ERC1: variants seen among roughly 807,000 people sequenced by gnomAD.
ERC1 encodes the protein RAB6 interacting protein 2.
ERC1 carries 56 observed loss-of-function variants against 132.0 expected under a neutral mutation model. The observed-to-expected ratio is 0.42, with a 90% CI of 0.34 to 0.53. The LOEUF is 0.53. ERC1 is among the 20% of genes least tolerant of loss of function. ERC1 has a pLI of 0.03. For synonymous variants in ERC1, 478 were observed against 476.1 expected, an observed-to-expected ratio of 1.00 and a Z score of -0.05; for missense variants, 1,202 against 1,349.9, an observed-to-expected ratio of 0.89 and a Z score of 1.72.
At chr12:1,262,490 A>G (rs1398877121) in intron 13 of ERC1, among the ~76,000 whole-genome samples, 1 of 152,232 alleles carries the variant, frequency 6.6e-6, no homozygotes, top group Non-Finnish European at 1.5e-5. Flanking sequence ...TGAGATTATG[A>G]GAAAACCATA....
chr12:1,353,470 A>G (rs2085225914), intron 15 of ERC1, among the ~76,000 whole-genome samples: 1 of 152,002 alleles, frequency 6.6e-6, no homozygotes, highest in Admixed American at 6.5e-5. Flanking sequence ...TTCAGTCTTA[A>G]TAATTATGCA....
rs1172108036 is a variant in ERC1, at chr12:1,146,308, G to GTTTTTTTT, written c.1737+4539_1737+4546dup. ...ATTTCCTTGTTTAGGTATTTTACTG[G>GTTTTTTTT]TTTTTTTTTTTTTTTTTTTTTTTTT... On this transcript the variant is annotated intron_variant, in intron 8 of 18. Transcript: ENST00000360905. Among the ~76,000 whole-genome samples, 89 of 31,782 alleles carry GTTTTTTTT rather than the reference G, an allele frequency of 2.8e-3. 7 individuals carry two copies. The highest frequency in any genetic ancestry group is 3.8e-3 in the African/African-American group (30 of 7,984). The allele number at this position is 31,782 out of a possible 152,430, so 20.9% of individuals were successfully genotyped here.
At chr12:1,291,737 G>A (rs1360580898) in intron 15 of ERC1, among the ~76,000 whole-genome samples, 1 of 152,178 alleles carries the variant, frequency 6.6e-6, no homozygotes, top group Non-Finnish European at 1.5e-5. Context: ...TCCATTCCTA[G>A]CATATATTAA....
At chr12:1,359,405 G>A (rs2085862202) in intron 15 of ERC1, among the ~76,000 whole-genome samples, 1 of 152,104 alleles carries the variant, frequency 6.6e-6, no homozygotes, top group Non-Finnish European at 1.5e-5. Context: ...AAGTACCACA[G>A]ACTGAGTAAT....
intron 8 of ERC1, 92 bp downstream of exon 8, chr12:1,141,879 T>TG (rs1949893848): frequency 2.8e-6 from 3 of 1,070,422 alleles, no homozygotes; most frequent in Admixed American, 6.7e-5. Flanking sequence ...CAGAGTTTCT[T>TG]GCTCATTTTT....
chr12:1,427,393 C>T (rs2092673428), intron 17 of ERC1, among the ~76,000 whole-genome samples: 1 of 152,156 alleles, frequency 6.6e-6, no homozygotes, highest in Non-Finnish European at 1.5e-5. Context: ...AAAGAATCGT[C>T]CATAATCCCA....
chr12:1,410,241 T>C (rs2091764041), intron 17 of ERC1: 3 of 273,064 alleles, frequency 1.1e-5, no homozygotes, highest in South Asian at 1.1e-4. Flanking sequence ...CTAATTTTGA[T>C]AGTTTAGGGA....
intron 3 of ERC1, among the ~76,000 whole-genome samples, chr12:1,101,704 T>C (rs890471448): frequency 6.6e-6 from 1 of 152,188 alleles, no homozygotes; most frequent in Non-Finnish European, 1.5e-5. Flanking sequence ...AATTCAGATA[T>C]CACACGGCGA....
chr12:1,094,516 T>G lies in ERC1; in HGVS notation c.1087-10234T>G, dbSNP rs142744817. ...ACCTCCGCCACCTGGGTTCAAGTGA[T>G]TCTCCTGCCTCAGCCTCCCAAATAG... On this transcript the variant is annotated intron_variant, in intron 3 of 18. Coordinates refer to ENST00000360905, the MANE Select transcript of ERC1 (RefSeq NM_178040.4). Among the ~76,000 whole-genome samples the G allele has an allele frequency of 4.5e-4, 68 of 151,672 alleles. 1 individual carries two copies. Among genetic ancestry groups the G allele is most frequent in the African/African-American group, 1.6e-3 (67 of 41,462 alleles).
At chr12:1,264,799 G>T (rs987508646) in intron 14 of ERC1, among the ~76,000 whole-genome samples, 13 of 152,148 alleles carry the variant, frequency 8.5e-5, no homozygotes, top group Admixed American at 8.5e-4. Flanking sequence ...CAATGAGAGG[G>T]TGGCAGGAAT....
chr12:1,348,599 A>G (rs1011903628), intron 15 of ERC1, among the ~76,000 whole-genome samples: 4 of 152,124 alleles, frequency 2.6e-5, no homozygotes, highest in African/African-American at 9.7e-5. Context: ...AGGCTGAGGC[A>G]GGAGATTTGC....
intron 16 of ERC1, among the ~76,000 whole-genome samples, chr12:1,375,468 T>A (rs1236126324): frequency 1.3e-5 from 2 of 152,234 alleles, no homozygotes; most frequent in Non-Finnish European, 2.9e-5. Context: ...TATCACGTTC[T>A]GTAGAAGGTA....
chr12:1,472,569 C>T (rs1347090174), intron 18 of ERC1, among the ~76,000 whole-genome samples: 1 of 151,354 alleles, frequency 6.6e-6, no homozygotes, highest in African/African-American at 2.4e-5. Context: ...AGAATCACTT[C>T]AGCCCAAGAG....
intron 18 of ERC1, among the ~76,000 whole-genome samples, chr12:1,466,049 T>C (rs1044330113): frequency 6.6e-6 from 1 of 152,144 alleles, no homozygotes; most frequent in African/African-American, 2.4e-5. Context: ...GAAATGGTGG[T>C]TAGGTCCTGT....
In ERC1 at chr12:1,079,174, A is replaced by G. The variant is rs1382339639; in HGVS notation, c.670-3990A>G. ...TCGATATACAGAGATACAGATAGAA[A>G]TGATTTGTAATATGACAAAAGTCGA... On this transcript the variant is annotated intron_variant, in intron 2 of 18. Transcript: ENST00000360905. 2.7e-5 allele frequency among the ~76,000 whole-genome samples: 4 copies of G among 147,690 alleles called. No homozygotes were observed. The East Asian group carries it at 7.9e-4, about 29-fold the overall frequency.
chr12:1,102,223 T>C (rs1225460977), intron 3 of ERC1, among the ~76,000 whole-genome samples: 2 of 152,316 alleles, frequency 1.3e-5, no homozygotes, highest in African/African-American at 4.8e-5. Flanking sequence ...TTTTATTTGC[T>C]ATTTTAGATC....
chr12:1,023,814 C>T (rs1966710872), intron 1 of ERC1, among the ~76,000 whole-genome samples: 1 of 152,026 alleles, frequency 6.6e-6, no homozygotes, highest in South Asian at 2.1e-4. Flanking sequence ...GCTTAAGAAA[C>T]AAGATGTATT....
chr12:1,188,723 A>G (rs1318238032), intron 11 of ERC1, among the ~76,000 whole-genome samples: 1 of 152,204 alleles, frequency 6.6e-6, no homozygotes. Flanking sequence ...TTATATAAAC[A>G]TTTCTCATTT....
intron 13 of ERC1, among the ~76,000 whole-genome samples, chr12:1,260,107 C>T (rs893514302): frequency 7.9e-5 from 12 of 151,986 alleles, no homozygotes; most frequent in Non-Finnish European, 1.0e-4. Context: ...TAGAGTATAC[C>T]GTAGTAGCTT....
Sources: allele counts gnomAD v4.1 joint callset (sites outside exome capture counted in the v4.1 genomes callset), GRCh38; gene constraint gnomAD v4.1.1; transcripts MANE v1.5; gene names NCBI Gene and HGNC (gene_info 2026-07-23, HGNC 2026-07-21).